The following SORCS1 variants were observed in gnomAD, a reference collection of about 807,000 sequenced individuals.
SORCS1 encodes VPS10 domain-containing receptor SorCS1.
Under a neutral mutation model 146.1 loss-of-function variants are expected in SORCS1, and 60 were observed. That is an observed-to-expected ratio of 0.41 (90% CI 0.33 to 0.51). SORCS1 has a LOEUF of 0.51. Among genes scored for constraint, SORCS1 ranks in the 20% least tolerant of loss-of-function variants. SORCS1 has a pLI of 0.21. For missense variants in SORCS1, 1,352 were observed against 1,487.6 expected (o/e 0.91, Z 1.50); for synonymous variants, 637 against 584.0 (o/e 1.09, Z -1.31).
chr10:106,956,528 T>G lies in SORCS1; in HGVS notation c.611A>C (p.Glu204Ala). The G allele has an allele frequency of 1.9e-6, 3 of 1,614,156 alleles. No homozygotes were observed. Among genetic ancestry groups the G allele is most frequent in the Non-Finnish European group, 2.5e-6 (3 of 1,180,000 alleles). ...ATCTACATACCTCCAAAGCGAGCTC[T>G]CTGTGATGCTCCCCAGGTTATAGTC... ...LYDYNLGSIT[E>A]SSLWRSTDYG... The change falls in exon 2 of 26, where the codon GAG becomes GCG. Residue 204 changes from glutamate to alanine, a missense_variant. Physicochemically the swap from Glu to Ala is moderately radical, Grantham distance 107. Transcript: ENST00000263054.
intron 1 of SORCS1, among the ~76,000 whole-genome samples, chr10:107,112,192 T>G (rs897427986): frequency 7.2e-5 from 11 of 152,086 alleles, no homozygotes; most frequent in Non-Finnish European, 1.6e-4. Flanking sequence ...TAATAATTTG[T>G]TAATGAACAC....
chr10:106,583,910 T>G (rs1167074505), intron 24 of SORCS1, among the ~76,000 whole-genome samples: 2 of 152,164 alleles, frequency 1.3e-5, no homozygotes, highest in Non-Finnish European at 2.9e-5. Flanking sequence ...AATCTTATTG[T>G]TGTCCAGTGT....
intron 2 of SORCS1, among the ~76,000 whole-genome samples, chr10:106,948,007 G>T (rs545585910): frequency 1.3e-5 from 2 of 152,288 alleles, no homozygotes; most frequent in Non-Finnish European, 2.9e-5. Context: ...TGCATACTCT[G>T]GGATGCTTAC....
intron 2 of SORCS1, among the ~76,000 whole-genome samples, chr10:106,914,116 A>G (rs1462007490): frequency 2.0e-5 from 3 of 152,254 alleles, no homozygotes; most frequent in Non-Finnish European, 1.5e-5. Flanking sequence ...AAGGCTATTA[A>G]AACACTTTTG....
At chr10:106,697,268 G>C (rs925804491) in intron 9 of SORCS1, among the ~76,000 whole-genome samples, 1 of 152,066 alleles carries the variant, frequency 6.6e-6, no homozygotes, top group Non-Finnish European at 1.5e-5. Context: ...TTCGAGATCA[G>C]CCTGGCCAAT....
chr10:106,943,727 G>A (rs1315260943), intron 2 of SORCS1, among the ~76,000 whole-genome samples: 5 of 151,890 alleles, frequency 3.3e-5, no homozygotes, highest in Admixed American at 6.6e-5. Flanking sequence ...GGAGAATGGC[G>A]TGAACCCGGG....
chr10:106,892,018 T>A (rs961156792), intron 2 of SORCS1, among the ~76,000 whole-genome samples: 7 of 152,284 alleles, frequency 4.6e-5, no homozygotes, highest in Non-Finnish European at 1.0e-4. Context: ...AAATGTAACA[T>A]TCTATGCCAG....
At chr10:106,851,806 G>A (rs1357158033) in intron 2 of SORCS1, among the ~76,000 whole-genome samples, 1 of 152,134 alleles carries the variant, frequency 6.6e-6, no homozygotes, top group Non-Finnish European at 1.5e-5. Flanking sequence ...TGACATCTTG[G>A]CAATATTGAG....
intron 19 of SORCS1, among the ~76,000 whole-genome samples, chr10:106,627,618 C>T (rs1182204531): frequency 6.6e-6 from 1 of 152,062 alleles, no homozygotes; most frequent in Non-Finnish European, 1.5e-5. Context: ...AGTGGAAAGT[C>T]CTGAAAGTCT....
intron 1 of SORCS1, among the ~76,000 whole-genome samples, chr10:107,160,364 C>G (rs1002145130): frequency 4.6e-5 from 7 of 152,316 alleles, no homozygotes; most frequent in African/African-American, 1.4e-4. Flanking sequence ...CCTCTTGGAA[C>G]CTCAGTTTCC....
intron 1 of SORCS1, among the ~76,000 whole-genome samples, chr10:106,964,088 A>C (rs1210428655): frequency 6.6e-6 from 1 of 152,218 alleles, no homozygotes; most frequent in African/African-American, 2.4e-5. Context: ...ACTGCAAGGA[A>C]AGGAACTGAG....
chr10:106,731,858 G>A (rs1172377802), intron 5 of SORCS1, among the ~76,000 whole-genome samples: 4 of 151,790 alleles, frequency 2.6e-5, no homozygotes, highest in South Asian at 2.1e-4. Flanking sequence ...AAAGAAGGAA[G>A]GAATGAAGGA....
chr10:106,704,038 T>C (rs1199035895), intron 8 of SORCS1, among the ~76,000 whole-genome samples: 2 of 152,142 alleles, frequency 1.3e-5, no homozygotes, highest in Non-Finnish European at 2.9e-5. Flanking sequence ...ACTTTTTCCT[T>C]CCATATTGGC....
chr10:106,649,016 C>T (rs1849663840), intron 18 of SORCS1, among the ~76,000 whole-genome samples: 1 of 152,112 alleles, frequency 6.6e-6, no homozygotes, highest in Non-Finnish European at 1.5e-5. Context: ...AGTGGCCGGA[C>T]TCCAGTGGAA....
chr10:107,025,164 T>G, intron 1 of SORCS1, among the ~76,000 whole-genome samples: 1 of 152,322 alleles, frequency 6.6e-6, no homozygotes, highest in Middle Eastern at 3.4e-3. Flanking sequence ...AATGGGTTGC[T>G]TAGGTAGTAA....
At chr10:106,818,369 A>ATTT (rs1252277188) in intron 3 of SORCS1, among the ~76,000 whole-genome samples, 3 of 143,348 alleles carry the variant, frequency 2.1e-5, no homozygotes, top group Non-Finnish European at 3.1e-5. Flanking sequence ...GGTCATGAGG[A>ATTT]TTTTTTTTTT....
intron 1 of SORCS1, among the ~76,000 whole-genome samples, chr10:107,096,526 A>G (rs1238809472): frequency 6.6e-6 from 1 of 151,990 alleles, no homozygotes; most frequent in Non-Finnish European, 1.5e-5. Flanking sequence ...TTATTTATTT[A>G]TTTTGAGACG....
At chr10:106,778,518 T>C (rs1325066280) in intron 3 of SORCS1, among the ~76,000 whole-genome samples, 1 of 152,184 alleles carries the variant, frequency 6.6e-6, no homozygotes, top group African/African-American at 2.4e-5. Context: ...ATCTAGTGTA[T>C]GCATTAAGCA....
chr10:106,727,069 G>C (rs957399756), intron 6 of SORCS1, among the ~76,000 whole-genome samples: 3 of 148,940 alleles, frequency 2.0e-5, no homozygotes, highest in African/African-American at 5.0e-5. Context: ...CTGCGTGACA[G>C]AGCGAGACTC....
Sources: gnomAD v4.1 joint callset for allele counts (sites outside exome capture counted in the v4.1 genomes callset) on GRCh38, gnomAD v4.1.1 for gene constraint, MANE v1.5 for transcripts, NCBI Gene and HGNC (gene_info 2026-07-23, HGNC 2026-07-21) for gene names.